Variants in THSD7B observed in about 807,000 individuals in gnomAD.
THSD7B encodes thrombospondin type 1 domain containing 7B.
Under a neutral mutation model 213.6 loss-of-function variants are expected in THSD7B, and 138 were observed. The ratio of observed to expected loss-of-function variants is 0.65; its 90% CI spans 0.56 to 0.74. The LOEUF (loss-of-function observed/expected upper bound fraction) is 0.74. Ranked by LOEUF, THSD7B falls within the 30% of genes least tolerant of loss-of-function variation. The probability of loss-of-function intolerance (pLI) is 0.00; values close to 1 mark genes in which losing one functional copy is unlikely to be tolerated. For synonymous variants in THSD7B, 742 were observed against 687.0 expected, an observed-to-expected ratio of 1.08 and a Z score of -1.25; for missense variants, 1,931 against 1,991.5, an observed-to-expected ratio of 0.97 and a Z score of 0.58.
At chr2:137,148,241 C>A (rs1032551623) in intron 5 of THSD7B, among the ~76,000 whole-genome samples, 3 of 152,116 alleles carry the variant, frequency 2.0e-5, no homozygotes, top group African/African-American at 7.2e-5. Context: ...GTTTGCTTCC[C>A]CTTCCACCAT....
chr2:136,806,189 T>G (rs939513429), intron 1 of THSD7B, among the ~76,000 whole-genome samples: 1 of 152,208 alleles, frequency 6.6e-6, no homozygotes, highest in Non-Finnish European at 1.5e-5. Flanking sequence ...ATAAAATTTT[T>G]TTATCTTTTT....
intron 1 of THSD7B, among the ~76,000 whole-genome samples, chr2:136,846,123 T>C (rs1206370445): frequency 1.3e-5 from 2 of 152,162 alleles, no homozygotes; most frequent in Non-Finnish European, 2.9e-5. Context: ...AGGGGTTGAA[T>C]CAAGGGTGGG....
intron 5 of THSD7B, among the ~76,000 whole-genome samples, chr2:137,150,260 AAAAG>A (rs1437972514): frequency 2.0e-5 from 3 of 151,826 alleles, no homozygotes; most frequent in Non-Finnish European, 2.9e-5. Flanking sequence ...AAAAAAAAGA[AAAAG>A]AAAAAGAAAG....
intron 14 of THSD7B, among the ~76,000 whole-genome samples, chr2:137,415,055 C>CAAAAAAAAAAA (rs56403642): frequency 3.3e-5 from 4 of 122,794 alleles, no homozygotes; most frequent in African/African-American, 1.1e-4. Context: ...GACCCTGTCT[C>CAAAAAAAAAAA]AAAAAAAAAA....
chr2:137,205,369 C>T (rs1472376097), intron 7 of THSD7B, among the ~76,000 whole-genome samples: 2 of 152,028 alleles, frequency 1.3e-5, no homozygotes, highest in African/African-American at 4.8e-5. Flanking sequence ...ATAAGAAATT[C>T]TTCCAGTCAA....
intron 2 of THSD7B, among the ~76,000 whole-genome samples, chr2:136,885,489 G>A (rs927163510): frequency 2.0e-5 from 3 of 152,088 alleles, no homozygotes; most frequent in African/African-American, 7.2e-5. Context: ...ATCTATATTG[G>A]TGTCAGACAC....
At chr2:137,125,193 A>G (rs1688610704) in intron 5 of THSD7B, among the ~76,000 whole-genome samples, 1 of 152,162 alleles carries the variant, frequency 6.6e-6, no homozygotes. Context: ...TGTCTGTTTC[A>G]ATTGACTCTT....
At chr2:136,815,431 C>T (rs1682453612) in intron 1 of THSD7B, among the ~76,000 whole-genome samples, 1 of 152,112 alleles carries the variant, frequency 6.6e-6, no homozygotes, top group South Asian at 2.1e-4. Flanking sequence ...TTAAACTATA[C>T]CCAGATCACC....
intron 8 of THSD7B, 69 bp downstream of exon 8, chr2:137,231,304 A>T: frequency 6.9e-7 from 1 of 1,443,730 alleles, no homozygotes; most frequent in East Asian, 2.5e-5. Context: ...CTCATTGGTG[A>T]TAGAGAAGTT....
chr2:136,922,864 AC>A (rs1367214740), intron 2 of THSD7B, among the ~76,000 whole-genome samples: 1 of 151,884 alleles, frequency 6.6e-6, no homozygotes, highest in Non-Finnish European at 1.5e-5. Flanking sequence ...CTCTTTCTTG[AC>A]CCCCAAGTGC....
At chr2:137,315,470 G>T (rs534925292) in intron 12 of THSD7B, among the ~76,000 whole-genome samples, 2 of 152,242 alleles carry the variant, frequency 1.3e-5, no homozygotes, top group South Asian at 4.1e-4. Context: ...CCCGTCTTCT[G>T]CGTCGCTCAT....
chr2:137,121,238 C>A (rs1285606905), intron 5 of THSD7B, among the ~76,000 whole-genome samples: 1 of 152,068 alleles, frequency 6.6e-6, no homozygotes, highest in Non-Finnish European at 1.5e-5. Flanking sequence ...GTATAATGCA[C>A]CTCATTAAAC....
intron 3 of THSD7B, among the ~76,000 whole-genome samples, chr2:137,072,742 C>G (rs550296427): frequency 2.8e-4 from 43 of 152,110 alleles, no homozygotes; most frequent in African/African-American, 9.9e-4. Flanking sequence ...CTGTGGGTTT[C>G]TCATAGATAG....
Position 137,649,376 on chromosome 2 carries a change from A to G in THSD7B, c.3946-6125A>G, listed in dbSNP as rs115119898. ...GACCAATATCCTGGAGCATATTCCC[A>G]AAGTTCTTTTCTTCTAGTAGTTTCA... On this transcript the variant is annotated intron_variant, in intron 21 of 27. Coordinates refer to ENST00000409968, the MANE Select transcript of THSD7B (RefSeq NM_001316349.2). Among the ~76,000 whole-genome samples, 942 of 152,282 alleles carry G rather than the reference A, an allele frequency of 6.2e-3. 8 individuals carry two copies. The highest frequency in any genetic ancestry group is 0.022 in the African/African-American group (903 of 41,556).
chr2:136,885,287 C>A (rs1683698919), intron 2 of THSD7B, among the ~76,000 whole-genome samples: 1 of 150,180 alleles, frequency 6.7e-6, no homozygotes, highest in African/African-American at 2.4e-5. Context: ...TGTTAGTCAA[C>A]CTCATCCAAA....
At chr2:137,173,295 T>A (rs1306962016) in intron 7 of THSD7B, among the ~76,000 whole-genome samples, 2 of 152,212 alleles carry the variant, frequency 1.3e-5, no homozygotes, top group African/African-American at 4.8e-5. Flanking sequence ...CATAACTAAT[T>A]CTTCCTCCCC....
intron 1 of THSD7B, among the ~76,000 whole-genome samples, chr2:136,775,151 A>G (rs1681576520): frequency 6.6e-6 from 1 of 152,148 alleles, no homozygotes; most frequent in South Asian, 2.1e-4. Context: ...CCATAAAAGC[A>G]CAGAAGGCAT....
intron 3 of THSD7B, among the ~76,000 whole-genome samples, chr2:137,059,893 T>C (rs1357619103): frequency 6.6e-6 from 1 of 152,154 alleles, no homozygotes; most frequent in Non-Finnish European, 1.5e-5. Context: ...TAATATCAAG[T>C]AGTGCAATTG....
At chr2:136,813,131 A>G (rs1442242450) in intron 1 of THSD7B, among the ~76,000 whole-genome samples, 2 of 152,312 alleles carry the variant, frequency 1.3e-5, no homozygotes, top group East Asian at 3.9e-4. Flanking sequence ...CTTCTGTTTA[A>G]TTAATATCCT....
Sources: gnomAD v4.1 joint callset for allele counts (sites outside exome capture counted in the v4.1 genomes callset) on GRCh38, gnomAD v4.1.1 for gene constraint, MANE v1.5 for transcripts, NCBI Gene and HGNC (gene_info 2026-07-23, HGNC 2026-07-21) for gene names.